Variants in NDE1 observed in about 807,000 individuals in gnomAD.
The protein encoded by NDE1 is nuclear distribution protein nudE homolog 1.
In NDE1, 28 loss-of-function variants were observed where a neutral mutation model predicts 43.4. The observed-to-expected ratio is 0.65, with a 90% CI of 0.48 to 0.89. The LOEUF is 0.89. Among genes scored for constraint, NDE1 ranks in the 40% least tolerant of loss-of-function variants. NDE1 has a pLI of 0.00. For synonymous variants in NDE1, 184 were observed against 172.0 expected, an observed-to-expected ratio of 1.07 and a Z score of -0.55; for missense variants, 441 against 434.1, an observed-to-expected ratio of 1.02 and a Z score of -0.14.
At chr16:15,654,992 A>G (rs1000082124) in intron 1 of NDE1, among the ~76,000 whole-genome samples, 2 of 151,946 alleles carry the variant, frequency 1.3e-5, no homozygotes, top group African/African-American at 2.4e-5. Flanking sequence ...GAGTACTGCA[A>G]TAGAACTTTC....
upstream of NDE1, among the ~76,000 whole-genome samples, chr16:15,645,520 G>A (rs908047002): frequency 2.0e-5 from 3 of 152,134 alleles, no homozygotes; most frequent in Non-Finnish European, 2.9e-5. Context: ...GCTAATAAAA[G>A]TCTGAATTAC....
chr16:15,717,039 C>T (rs914548575), intron 8 of NDE1: 3 of 1,302,274 alleles, frequency 2.3e-6, no homozygotes, highest in African/African-American at 2.9e-5. Context: ...TTGCTTCTTA[C>T]AAGCCAGAAC....
intron 8 of NDE1, among the ~76,000 whole-genome samples, chr16:15,706,222 C>T (rs2039446540): frequency 6.6e-6 from 1 of 152,112 alleles, no homozygotes; most frequent in Non-Finnish European, 1.5e-5. Context: ...GGACTTGCAG[C>T]CCTACTAGAG....
chr16:15,717,517 G>A lies in NDE1; in HGVS notation c.948-6674G>A, dbSNP rs563938461. On this transcript the variant is annotated intron_variant, in intron 8 of 8. Transcript: ENST00000396354. ...TCCACTCAAGAGCTTCTTCCAGGCCGGGCGTGGTGGCGCACGCCTGTAATC... is the reference window on the plus strand; with the variant it reads ...TCCACTCAAGAGCTTCTTCCAGGCCAGGCGTGGTGGCGCACGCCTGTAATC... 41 of 681,442 alleles carry A rather than the reference G, an allele frequency of 6.0e-5. 1 individual carries two copies. Among genetic ancestry groups the A allele is most frequent in the South Asian group, 5.4e-4 (29 of 53,898 alleles). The allele number at this position is 681,442 out of a possible 1,614,324, so 42.2% of individuals were successfully genotyped here. A position where few individuals can be genotyped will look rare whatever the true frequency, so the allele number is the denominator to read the frequency against.
intron 4 of NDE1, among the ~76,000 whole-genome samples, chr16:15,680,313 G>T (rs1567641945): frequency 1.3e-5 from 2 of 152,142 alleles, no homozygotes; most frequent in Non-Finnish European, 2.9e-5. Flanking sequence ...CACGGTGATA[G>T]ATTTCTATCC....
chr16:15,692,372 A>C (rs1039594307), intron 6 of NDE1, among the ~76,000 whole-genome samples: 1 of 152,186 alleles, frequency 6.6e-6, no homozygotes, highest in African/African-American at 2.4e-5. Context: ...CTGGGCATGA[A>C]GAGACCAGTG....
At chr16:15,706,006 TCAAG>T (rs988314469) in intron 8 of NDE1, among the ~76,000 whole-genome samples, 1 of 53,406 alleles carries the variant, frequency 1.9e-5, no homozygotes, top group Non-Finnish European at 3.5e-5. Context: ...AAAAAAAAAA[TCAAG>T]GCCCAGAGAT....
intron 8 of NDE1, among the ~76,000 whole-genome samples, chr16:15,716,178 C>T (rs531396471): frequency 6.6e-6 from 1 of 152,256 alleles, no homozygotes; most frequent in Non-Finnish European, 1.5e-5. Context: ...CTGCTCCCAC[C>T]TACCTCAGCC....
intron 8 of NDE1, chr16:15,700,225 T>A: frequency 1.9e-6 from 1 of 527,286 alleles, no homozygotes; most frequent in Non-Finnish European, 2.4e-6. Flanking sequence ...GTCTTCCAGG[T>A]AGCTGGGATT....
chr16:15,717,212 T>C, intron 8 of NDE1: 1 of 1,614,202 alleles, frequency 6.2e-7, no homozygotes, highest in Non-Finnish European at 8.5e-7. Context: ...GGACTTGAAC[T>C]TGGACTTGAC....
intron 3 of NDE1, among the ~76,000 whole-genome samples, chr16:15,668,995 G>T (rs1371429639): frequency 6.6e-6 from 1 of 151,960 alleles, no homozygotes; most frequent in Non-Finnish European, 1.5e-5. Context: ...CGCCTCCCAG[G>T]TTCACACCAT....
At chr16:15,676,788 C>G (rs2037904393) in intron 3 of NDE1, among the ~76,000 whole-genome samples, 1 of 152,248 alleles carries the variant, frequency 6.6e-6, no homozygotes, top group East Asian at 1.9e-4. Context: ...CTCAGCCTCG[C>G]GAGTAGCTAG....
At chr16:15,704,167 A>G (rs753021112) in intron 8 of NDE1, 2 of 1,610,000 alleles carry the variant, frequency 1.2e-6, no homozygotes, top group Admixed American at 3.3e-5. Context: ...AGAAATCTTC[A>G]TGGTTGGGAT....
At position 15,724,635 on chromosome 16, in the gene NDE1, C is replaced by A. The variant is rs193005461; in HGVS notation, c.*384C>A. On this transcript the variant is annotated 3_prime_UTR_variant, in exon 9 of 9. Transcript: ENST00000396354. The stretch of plus-strand genomic sequence containing the variant: ...AGGACCCATGAAGGAAGCAAGGACA[C>A]GGGGCAGGCACCTGGATGTTGAGAG... The A allele has an allele frequency of 6.2e-7, 1 of 1,613,748 alleles. No individual in the cohort carries two copies. The highest frequency in any genetic ancestry group is 1.7e-4 in the Middle Eastern group (1 of 5,764).
At position 15,691,379 on chromosome 16, in the gene NDE1, G is replaced by A. The variant is rs182520216; in HGVS notation, c.703+56G>A. ...CGGTTCACAAAGTGTTTCTGGGTAA[G>A]AATCTGGGGTGGGTCCTGGGGGTGT... On this transcript the variant is annotated intron_variant, in intron 6 of 8. Coordinates refer to ENST00000396354, the MANE Select transcript of NDE1 (RefSeq NM_017668.3). 4,401 of 1,579,588 alleles carry A rather than the reference G, an allele frequency of 2.8e-3. 10 individuals are homozygous for A. Among genetic ancestry groups the A allele is most frequent in the Admixed American group, 4.5e-3 (247 of 55,390 alleles).
At chr16:15,650,187 C>T (rs996663795), upstream of NDE1, 4 of 170,868 alleles carry the variant, frequency 2.3e-5, no homozygotes, top group Non-Finnish European at 3.6e-5. Flanking sequence ...TGGGAGGCGC[C>T]GACCGCAGGC....
rs794728663 is a variant in NDE1 at position 15,724,695 on chromosome 16, C to T, written c.*444C>T. 2 of 1,614,208 alleles carry T rather than the reference C, an allele frequency of 1.2e-6. No individual in the cohort carries two copies. Among genetic ancestry groups the T allele is most frequent in the Non-Finnish European group, 1.7e-6 (2 of 1,180,032 alleles). On this transcript the variant is annotated 3_prime_UTR_variant, in exon 9 of 9. Transcript: ENST00000396354. ...GGCGCTCCAGGTTCTGCTTGGCCTC[C>T]ATCTCCTCGTCCAGCTGGTCTTGCA...
intron 4 of NDE1, among the ~76,000 whole-genome samples, chr16:15,683,969 G>A (rs772849777): frequency 4.6e-5 from 7 of 152,160 alleles, no homozygotes; most frequent in South Asian, 4.1e-4. Context: ...ATTGGCTCAC[G>A]CCTGTAATCC....
At chr16:15,651,285 T>C (rs118046956) in intron 1 of NDE1, among the ~76,000 whole-genome samples, 2,947 of 152,220 alleles carry the variant, frequency 0.019, 46 homozygotes, top group Non-Finnish European at 0.027. Context: ...TCATCATTTT[T>C]AGTTTTGTTA....
Sources: gnomAD v4.1 joint callset for allele counts (sites outside exome capture counted in the v4.1 genomes callset) on GRCh38, gnomAD v4.1.1 for gene constraint, MANE v1.5 for transcripts, NCBI Gene and HGNC (gene_info 2026-07-23, HGNC 2026-07-21) for gene names.